ZNF69: variants seen among roughly 807,000 people sequenced by gnomAD.
ZNF69 encodes the protein ZNF3.
Under a neutral mutation model 50.9 loss-of-function variants are expected in ZNF69, and 47 were observed. That is an observed-to-expected ratio of 0.92 (90% CI 0.73 to 1.18). The LOEUF (loss-of-function observed/expected upper bound fraction) is 1.18, where lower values mean the gene tolerates loss of function less well. Among genes scored for constraint, ZNF69 ranks in the 50% most tolerant of loss-of-function variants. The pLI, the probability that ZNF69 is intolerant of heterozygous loss-of-function variation, is 0.00. For missense variants in ZNF69, 717 were observed against 675.1 expected (o/e 1.06, Z -0.69); for synonymous variants, 216 against 223.1 (o/e 0.97, Z 0.29).
At chr19:11,957,090 A>AC in the ZNF69 span, among the ~76,000 whole-genome samples, 6,836 of 138,900 alleles carry the variant, frequency 0.049, 681 homozygotes, top group African/African-American at 0.17. Context: ...GTAAGAAATA[A>AC]GTTTTTTTTT....
the ZNF69 span, among the ~76,000 whole-genome samples, chr19:11,955,680 C>A: frequency 6.6e-6 from 1 of 152,124 alleles, no homozygotes; most frequent in South Asian, 2.1e-4. Flanking sequence ...TTTATTACAG[C>A]TGGAGAAAAG....
the ZNF69 span, among the ~76,000 whole-genome samples, chr19:11,962,603 C>A: frequency 4.0e-5 from 6 of 151,534 alleles, 1 homozygote; most frequent in South Asian, 1.0e-3. Context: ...TCAAGTGACC[C>A]CCCCCCACCT....
downstream of ZNF69, among the ~76,000 whole-genome samples, chr19:11,917,360 G>T (rs1209326708): frequency 6.6e-6 from 1 of 152,184 alleles, no homozygotes; most frequent in Non-Finnish European, 1.5e-5. Context: ...TCCACACTGT[G>T]GGGAGGGGCC....
At chr19:11,925,476 C>T in the ZNF69 span, among the ~76,000 whole-genome samples, 2 of 152,140 alleles carry the variant, frequency 1.3e-5, no homozygotes, top group African/African-American at 4.8e-5. Flanking sequence ...CTGTCCCGTC[C>T]CTGCGCGGCG....
At position 11,906,229 on chromosome 19, in the gene ZNF69, C is replaced by A; in HGVS notation, c.*131C>A. 1.3e-6 allele frequency: 2 copies of A among 1,519,020 alleles called. No homozygotes were observed. Among genetic ancestry groups the A allele is most frequent in the Non-Finnish European group, 1.8e-6 (2 of 1,141,772 alleles). The allele number at this position is 1,519,020 out of a possible 1,614,324, so 94.1% of individuals were successfully genotyped here. On this transcript the variant is annotated 3_prime_UTR_variant, in exon 4 of 4. Transcript: ENST00000429654. ...GAACCTTCGAATTCAGTAAAGGACA[C>A]AAGCACACATAAGAATGCATTCTGG...
downstream of ZNF69, among the ~76,000 whole-genome samples, chr19:11,911,391 C>T (rs1420341829): frequency 6.6e-6 from 1 of 152,102 alleles, no homozygotes; most frequent in Non-Finnish European, 1.5e-5. Context: ...TATTGTGGCA[C>T]TATTCACAAT....
chr19:11,934,812 C>T, the ZNF69 span, among the ~76,000 whole-genome samples: 7 of 147,948 alleles, frequency 4.7e-5, 1 homozygote, highest in African/African-American at 1.9e-4. Context: ...AGGCGTGAGC[C>T]ACTGCGCCCG....
chr19:11,954,640 C>A, the ZNF69 span, among the ~76,000 whole-genome samples: 5 of 152,124 alleles, frequency 3.3e-5, no homozygotes, highest in African/African-American at 1.2e-4. Flanking sequence ...AGACCAGCCA[C>A]AGCAACATGA....
chr19:11,912,835 A>G (rs1460869745), intron 4 of ZNF69, among the ~76,000 whole-genome samples: 1 of 152,234 alleles, frequency 6.6e-6, no homozygotes, highest in Non-Finnish European at 1.5e-5. Context: ...TTGAATACAG[A>G]TAATGAATGT....
At chr19:11,916,211 C>T (rs775875708), downstream of ZNF69, among the ~76,000 whole-genome samples, 1 of 152,106 alleles carries the variant, frequency 6.6e-6, no homozygotes, top group Non-Finnish European at 1.5e-5. Flanking sequence ...ACAAAAAAGT[C>T]TAGGTACTGA....
At chr19:11,928,719 G>A in the ZNF69 span, among the ~76,000 whole-genome samples, 5 of 131,158 alleles carry the variant, frequency 3.8e-5, no homozygotes, top group South Asian at 4.7e-4. Context: ...GCGACAGAGC[G>A]AGACTCCGTC....
At chr19:11,908,318 G>A (rs181807684), downstream of ZNF69, among the ~76,000 whole-genome samples, 1 of 151,902 alleles carries the variant, frequency 6.6e-6, no homozygotes, top group Non-Finnish European at 1.5e-5. Flanking sequence ...TGCACCAAGA[G>A]GACCTAATAG....
At chr19:11,978,487 G>T in the ZNF69 span, 1 of 1,614,178 alleles carries the variant, frequency 6.2e-7, no homozygotes, top group Admixed American at 1.7e-5. Context: ...TCAGGCATTC[G>T]AAGACGCATG....
At chr19:11,921,485 C>A in the ZNF69 span, among the ~76,000 whole-genome samples, 1 of 145,756 alleles carries the variant, frequency 6.9e-6, no homozygotes, top group Admixed American at 6.7e-5. Flanking sequence ...TGGAAAATTT[C>A]TTTTGTTTGT....
At chr19:11,931,159 T>C in the ZNF69 span, among the ~76,000 whole-genome samples, 6 of 148,240 alleles carry the variant, frequency 4.0e-5, no homozygotes, top group Admixed American at 4.0e-4. Flanking sequence ...TTAGTCATCT[T>C]GGGCTGCTAT....
downstream of ZNF69, among the ~76,000 whole-genome samples, chr19:11,918,489 T>C (rs965267114): frequency 6.6e-6 from 1 of 152,134 alleles, no homozygotes; most frequent in Non-Finnish European, 1.5e-5. Flanking sequence ...TTTCTCCTCG[T>C]TTTCTTTTAT....
downstream of ZNF69, among the ~76,000 whole-genome samples, chr19:11,910,161 G>A (rs1369538808): frequency 2.0e-5 from 3 of 152,260 alleles, no homozygotes; most frequent in East Asian, 1.9e-4. Context: ...ACTGCTCAAC[G>A]AAATCAAAGA....
chr19:11,942,561 C>G, the ZNF69 span, among the ~76,000 whole-genome samples: 1 of 152,084 alleles, frequency 6.6e-6, no homozygotes, highest in South Asian at 2.1e-4. Flanking sequence ...TCTTAAAAAC[C>G]GAGCTCCCAG....
At chr19:11,965,690 G>A in the ZNF69 span, among the ~76,000 whole-genome samples, 1 of 152,208 alleles carries the variant, frequency 6.6e-6, no homozygotes, top group African/African-American at 2.4e-5. Context: ...CTGGCTTGTG[G>A]TTTGTCAACT....
Sources: allele counts gnomAD v4.1 joint callset (sites outside exome capture counted in the v4.1 genomes callset), GRCh38; gene constraint gnomAD v4.1.1; transcripts MANE v1.5; gene names NCBI Gene and HGNC (gene_info 2026-07-23, HGNC 2026-07-21).